The following TRA2A variants were observed in gnomAD, a reference collection of about 807,000 sequenced individuals.
TRA2A encodes transformer 2 alpha homolog.
A neutral mutation model predicts 45.7 loss-of-function variants in TRA2A; 31 were observed. The observed-to-expected ratio is 0.68, with a 90% confidence interval of 0.51 to 0.92. The LOEUF is 0.92. TRA2A is among the 40% of genes least tolerant of loss of function. The pLI is 0.00. For synonymous variants in TRA2A, 132 were observed against 126.2 expected (o/e 1.05, Z -0.31); for missense variants, 304 against 367.5 (o/e 0.83, Z 1.41).
At chr7:23,529,611 A>T (rs2128001646) in intron 1 of TRA2A, among the ~76,000 whole-genome samples, 1 of 152,320 alleles carries the variant, frequency 6.6e-6, no homozygotes, top group South Asian at 2.1e-4. Context: ...GCATTGTTCT[A>T]ATTCTTTAAC....
chr7:23,515,307 G>A (rs1297825945), intron 3 of TRA2A, among the ~76,000 whole-genome samples: 1 of 137,218 alleles, frequency 7.3e-6, no homozygotes, highest in African/African-American at 2.8e-5. Context: ...TCGGCTCACT[G>A]CAAGCTCTGC....
intron 3 of TRA2A, 141 bp from the exon 4 acceptor site, chr7:23,513,223 C>T (rs2127993738): frequency 3.1e-6 from 2 of 654,136 alleles, no homozygotes; most frequent in East Asian, 2.8e-5. Flanking sequence ...TTTAAGAGAA[C>T]TAGAGCAGAT....
intron 3 of TRA2A, among the ~76,000 whole-genome samples, chr7:23,513,394 G>C (rs535988092): frequency 6.6e-5 from 10 of 152,246 alleles, no homozygotes; most frequent in Admixed American, 3.9e-4. Context: ...GAGGTGGGTG[G>C]ATCACCTGAG....
intron 2 of TRA2A, among the ~76,000 whole-genome samples, chr7:23,517,822 G>C (rs1789955729): frequency 6.6e-6 from 1 of 151,746 alleles, no homozygotes; most frequent in Admixed American, 6.5e-5. Context: ...TGAGGCACGA[G>C]AATCACTTGA....
At chr7:23,521,592 G>GA (rs1197762940) in intron 2 of TRA2A, 115 bp downstream of exon 2, 1 of 1,238,574 alleles carries the variant, frequency 8.1e-7, no homozygotes, top group Non-Finnish European at 1.1e-6. Context: ...AGCAGTCTGA[G>GA]AAAAACTATA....
chr7:23,523,190 A>T (rs561375632), intron 1 of TRA2A, among the ~76,000 whole-genome samples: 44 of 152,270 alleles, frequency 2.9e-4, no homozygotes, highest in African/African-American at 1.1e-3. Context: ...CTTTGATTCC[A>T]TCTCTTTAGA....
intron 2 of TRA2A, among the ~76,000 whole-genome samples, chr7:23,517,441 G>A (rs144465437): frequency 0.017 from 2,106 of 121,072 alleles, 68 homozygotes; most frequent in African/African-American, 0.064. Flanking sequence ...TTGTGCCACC[G>A]TACTCCAGCC....
chr7:23,519,862 G>GA (rs905634126), intron 2 of TRA2A, among the ~76,000 whole-genome samples: 2 of 151,598 alleles, frequency 1.3e-5, no homozygotes, highest in South Asian at 2.1e-4. Flanking sequence ...TTAAAATGAA[G>GA]AAAAAAAAGT....
At chr7:23,528,171 T>G (rs568479633) in intron 1 of TRA2A, among the ~76,000 whole-genome samples, 2 of 152,168 alleles carry the variant, frequency 1.3e-5, no homozygotes, top group Non-Finnish European at 2.9e-5. Context: ...TAAAACTTCA[T>G]ACACAAAAAA....
Position 23,507,541 on chromosome 7 carries a change from A to T in TRA2A, c.526-6T>A. ...CCATTTGCCCTTTCCATAGCCTATA[A>T]AGAACAGGCACAAAAAGTCACGTAT... On this transcript the variant is annotated splice_polypyrimidine_tract_variant and splice_region_variant and intron_variant, in intron 4 of 7. Transcript: ENST00000297071. 3 of 1,603,306 alleles carry T rather than the reference A, an allele frequency of 1.9e-6. No homozygotes were observed. Among genetic ancestry groups the T allele is most frequent in the Non-Finnish European group, 2.6e-6 (3 of 1,170,338 alleles).
At position 23,510,843 on chromosome 7, in the gene TRA2A, T is replaced by TA. The variant is rs377068843; in HGVS notation, c.525+2050dup. Among the ~76,000 whole-genome samples, 633 of 147,030 alleles carry TA rather than the reference T, an allele frequency of 4.3e-3. 4 individuals carry two copies. The highest frequency in any genetic ancestry group is 0.014 in the African/African-American group (552 of 40,426). On this transcript the variant is annotated intron_variant, in intron 4 of 7. Coordinates refer to ENST00000297071, the MANE Select transcript of TRA2A (RefSeq NM_013293.5). ...TATATAAATCACAAATACGTAACAG[T>TA]AAAAAAAAAAATCATAAGACTGACA...
At position 23,507,371 on chromosome 7, in the gene TRA2A, A is replaced by G. The variant is rs923627553; in HGVS notation, c.641+49T>C. The G allele has an allele frequency of 7.4e-6, 11 of 1,493,024 alleles. No homozygotes were observed. In the Admixed American group the frequency reaches 1.1e-4, roughly 15 times the overall value. 92.5% of individuals were successfully genotyped at this position (1,493,024 alleles called of 1,614,324 possible). ...TTTCTGAGTAATCAAAATTTTGCACATATTTCTGGTGGATTTCATAGTTTA... is the reference window on the plus strand; with the variant it reads ...TTTCTGAGTAATCAAAATTTTGCACGTATTTCTGGTGGATTTCATAGTTTA... On this transcript the variant is annotated intron_variant, in intron 5 of 7. Transcript: ENST00000297071.
At chr7:23,511,652 G>A (rs1584115103) in intron 4 of TRA2A, among the ~76,000 whole-genome samples, 1 of 151,988 alleles carries the variant, frequency 6.6e-6, no homozygotes, top group Non-Finnish European at 1.5e-5. Context: ...GGGAAGCCAA[G>A]GCAGGAGGAA....
At chr7:23,515,159 T>G (rs758532571) in intron 3 of TRA2A, among the ~76,000 whole-genome samples, 1 of 152,126 alleles carries the variant, frequency 6.6e-6, no homozygotes, top group Non-Finnish European at 1.5e-5. Flanking sequence ...TCAAAAAACT[T>G]TGAATATAAC....
At chr7:23,520,069 A>G (rs559035078) in intron 2 of TRA2A, among the ~76,000 whole-genome samples, 1 of 152,284 alleles carries the variant, frequency 6.6e-6, no homozygotes, top group South Asian at 2.1e-4. Context: ...TCTACTAAAA[A>G]TACAAAAAAT....
chr7:23,531,508 G>A (rs530829491), intron 1 of TRA2A: 6 of 552,806 alleles, frequency 1.1e-5, no homozygotes, highest in Non-Finnish European at 1.6e-5. Flanking sequence ...GGAAGCCTCA[G>A]GGGTGGGGAG....
Position 23,505,766 on chromosome 7 carries a change from C to T in TRA2A, c.818G>A (p.Arg273Lys), listed in dbSNP as rs1477371125. The change falls in exon 7 of 8, where the codon AGA (arginine) becomes AAA (lysine). Residue 273 changes from arginine (R) to lysine (K), a missense_variant. Around this residue, in one of 3 missense-constraint regions of TRA2A, gnomAD observed 42 missense variants for 37.0 expected, o/e 1.14. Coordinates refer to ENST00000297071, the MANE Select transcript of TRA2A (RefSeq NM_013293.5). Reference sequence around the variant, plus strand: ...CATACTTGGGCTGTAGGAACGAGATCTTGATCGTGATCTATATCGACTATA... The same window carrying T: ...CATACTTGGGCTGTAGGAACGAGATTTTGATCGTGATCTATATCGACTATA... The part of the protein sequence containing the change: ...PYYSRYRSRS[R>K]SRSYSPRRY 1 of 1,560,852 alleles carries T rather than the reference C, an allele frequency of 6.4e-7. No homozygotes were observed. Among genetic ancestry groups the T allele is most frequent in the Non-Finnish European group, 8.6e-7 (1 of 1,160,158 alleles).
At chr7:23,508,390 C>G (rs1271246929) in intron 4 of TRA2A, among the ~76,000 whole-genome samples, 1 of 151,826 alleles carries the variant, frequency 6.6e-6, no homozygotes, top group Non-Finnish European at 1.5e-5. Context: ...GCCTTAGTCT[C>G]CTAAGTAGCT....
At chr7:23,511,254 C>T (rs1205877537) in intron 4 of TRA2A, among the ~76,000 whole-genome samples, 1 of 150,828 alleles carries the variant, frequency 6.6e-6, no homozygotes, top group South Asian at 2.1e-4. Flanking sequence ...GTCTGTAGTC[C>T]CAGCTACTCG....
Sources: gnomAD v4.1 joint callset for allele counts (sites outside exome capture counted in the v4.1 genomes callset) on GRCh38, gnomAD v4.1.1 for gene constraint, gnomAD v4.1.1 regional missense constraint, MANE v1.5 for transcripts, NCBI Gene and HGNC (gene_info 2026-07-23, HGNC 2026-07-21) for gene names.